Variants in SOX6 observed in about 807,000 individuals in gnomAD.
SOX6 encodes transcription factor SOX-6.
Under a neutral mutation model 97.8 loss-of-function variants are expected in SOX6, and 11 were observed. That is an observed-to-expected ratio of 0.11 (90% CI 0.07 to 0.19). The LOEUF is 0.19. SOX6 is among the 10% of genes least tolerant of loss of function. The pLI, the probability that SOX6 is intolerant of heterozygous loss-of-function variation, is 1.00. For missense variants in SOX6, 810 were observed against 1,039.5 expected (o/e 0.78, Z 3.04); for synonymous variants, 360 against 371.4 (o/e 0.97, Z 0.35).
At chr11:16,129,070 G>T (rs1849677002) in intron 6 of SOX6, among the ~76,000 whole-genome samples, 2 of 134,154 alleles carry the variant, frequency 1.5e-5, no homozygotes, top group South Asian at 2.4e-4. Flanking sequence ...GTTTCTCCAT[G>T]TTGGTCAGGC....
At position 16,120,257 on chromosome 11, in the gene SOX6, CTCTG is replaced by C. The variant is rs1487471966; in HGVS notation, c.778-8338_778-8335del. Reference sequence around the variant, plus strand: ...CTCACTCACTCCTCTCTCTCTCTCTCTCTGTCTCTCATAACTTCTCCTCTTCCCT... The same window carrying C: ...CTCACTCACTCCTCTCTCTCTCTCTCTCTCTCATAACTTCTCCTCTTCCCT... On this transcript the variant is annotated intron_variant, in intron 6 of 15. Coordinates refer to ENST00000683767, the MANE Select transcript of SOX6 (RefSeq NM_001367873.1). 4.3e-4 allele frequency among the ~76,000 whole-genome samples: 64 copies of C among 149,670 alleles called. No homozygotes were observed. In the East Asian group the frequency reaches 6.0e-3, roughly 14 times the overall value.
At chr11:16,721,806 T>C (rs1848269240) in intron 2 of SOX6, among the ~76,000 whole-genome samples, 2 of 151,744 alleles carry the variant, frequency 1.3e-5, no homozygotes, top group Admixed American at 1.3e-4. Flanking sequence ...TAGGGAGTTC[T>C]TTATAGCACT....
chr11:16,575,576 T>A (rs1210102075), intron 4 of SOX6, among the ~76,000 whole-genome samples: 2 of 152,218 alleles, frequency 1.3e-5, no homozygotes, highest in Non-Finnish European at 2.9e-5. Flanking sequence ...TAGGTCTTCA[T>A]GATAATGATA....
At chr11:16,193,117 G>A (rs1017810551) in intron 4 of SOX6, among the ~76,000 whole-genome samples, 4 of 152,056 alleles carry the variant, frequency 2.6e-5, no homozygotes, top group African/African-American at 9.7e-5. Flanking sequence ...ACACAGCAAC[G>A]GAGAAAGAGA....
intron 4 of SOX6, among the ~76,000 whole-genome samples, chr11:16,531,637 A>G (rs1277589569): frequency 6.6e-6 from 1 of 151,870 alleles, no homozygotes; most frequent in Non-Finnish European, 1.5e-5. Flanking sequence ...TTAAAAGCCC[A>G]TACTCTAAAT....
At chr11:16,552,975 CATT>C (rs1238545635) in intron 4 of SOX6, among the ~76,000 whole-genome samples, 6 of 152,090 alleles carry the variant, frequency 3.9e-5, no homozygotes, top group Admixed American at 6.5e-5. Flanking sequence ...TGATAAATAA[CATT>C]ATGGGAATAT....
intron 3 of SOX6, among the ~76,000 whole-genome samples, chr11:16,620,112 C>A (rs1378341609): frequency 6.6e-6 from 1 of 152,128 alleles, no homozygotes. Context: ...TGTTAAAAAT[C>A]ACCAGTAGAC....
chr11:16,249,675 T>C (rs949076914), intron 3 of SOX6, among the ~76,000 whole-genome samples: 5 of 152,140 alleles, frequency 3.3e-5, no homozygotes, highest in African/African-American at 1.2e-4. Context: ...TACCAAATTA[T>C]ACCAAAAATA....
At chr11:16,444,985 T>A (rs1859584064) in intron 1 of SOX6, among the ~76,000 whole-genome samples, 1 of 152,286 alleles carries the variant, frequency 6.6e-6, no homozygotes, top group African/African-American at 2.4e-5. Flanking sequence ...AACTTCCACA[T>A]AGAAATCATG....
intron 2 of SOX6, among the ~76,000 whole-genome samples, chr11:16,718,589 A>C (rs1276945732): frequency 6.6e-6 from 1 of 152,226 alleles, no homozygotes; most frequent in Non-Finnish European, 1.5e-5. Flanking sequence ...TGGTTCAGAA[A>C]TAAATTACAT....
intron 9 of SOX6, among the ~76,000 whole-genome samples, chr11:16,080,019 C>T (rs1016638389): frequency 6.8e-6 from 1 of 147,696 alleles, no homozygotes; most frequent in Non-Finnish European, 1.5e-5. Context: ...ATTCCTATAG[C>T]AGGTAAAGCA....
chr11:16,319,103 T>C (rs931774), intron 2 of SOX6, among the ~76,000 whole-genome samples: 22,978 of 152,158 alleles, frequency 0.15, 1,905 homozygotes, highest in Middle Eastern at 0.2. Context: ...AAAAACACTG[T>C]CCTTTAGTTT....
At chr11:16,706,677 A>C (rs1237888424) in intron 3 of SOX6, among the ~76,000 whole-genome samples, 7 of 150,350 alleles carry the variant, frequency 4.7e-5, no homozygotes, top group Admixed American at 3.3e-4. Context: ...CCAGAGTTCC[A>C]GAGTTGGGTC....
chr11:16,200,965 A>T (rs1851919200), intron 4 of SOX6, among the ~76,000 whole-genome samples: 1 of 152,096 alleles, frequency 6.6e-6, no homozygotes, highest in Non-Finnish European at 1.5e-5. Flanking sequence ...CATATATATA[A>T]AACTAGCCAG....
intron 4 of SOX6, among the ~76,000 whole-genome samples, chr11:16,506,380 A>G (rs1417525945): frequency 6.6e-6 from 1 of 152,198 alleles, no homozygotes; most frequent in Non-Finnish European, 1.5e-5. Context: ...CCTTTTGGAA[A>G]GGGAGTATTT....
chr11:16,005,397 G>T (rs1854518944), intron 13 of SOX6, among the ~76,000 whole-genome samples: 1 of 151,712 alleles, frequency 6.6e-6, no homozygotes, highest in Non-Finnish European at 1.5e-5. Flanking sequence ...TACAGAGCCA[G>T]AAGAAAAGAA....
At chr11:16,580,840 A>G (rs1387430447) in intron 4 of SOX6, among the ~76,000 whole-genome samples, 3 of 152,194 alleles carry the variant, frequency 2.0e-5, no homozygotes, top group Admixed American at 2.0e-4. Flanking sequence ...ACAACATATG[A>G]AAAAAAGCTC....
intron 12 of SOX6, among the ~76,000 whole-genome samples, chr11:16,046,066 T>C (rs1265291456): frequency 1.3e-5 from 2 of 152,198 alleles, no homozygotes; most frequent in Non-Finnish European, 2.9e-5. Flanking sequence ...GAATGCAATT[T>C]GCAAATTGCT....
At chr11:15,995,310 G>T (rs1854190513) in intron 13 of SOX6, among the ~76,000 whole-genome samples, 1 of 152,098 alleles carries the variant, frequency 6.6e-6, no homozygotes, top group Non-Finnish European at 1.5e-5. Flanking sequence ...CAATATGCCA[G>T]GACTAAGGAT....
Sources: gnomAD v4.1 joint callset for allele counts (sites outside exome capture counted in the v4.1 genomes callset) on GRCh38, gnomAD v4.1.1 for gene constraint, MANE v1.5 for transcripts, NCBI Gene and HGNC (gene_info 2026-07-23, HGNC 2026-07-21) for gene names.